The following APCDD1L variants were observed in gnomAD, a reference collection of about 807,000 sequenced individuals.
The protein encoded by APCDD1L is protein APCDD1-like.
Under a neutral mutation model 24.2 loss-of-function variants are expected in APCDD1L, and 21 were observed. The ratio of observed to expected loss-of-function variants is 0.87; its 90% confidence interval spans 0.61 to 1.25. APCDD1L has a LOEUF of 1.25. Among genes scored for constraint, APCDD1L ranks in the 50% most tolerant of loss-of-function variants. The pLI is 0.00. For synonymous variants in APCDD1L, 321 were observed against 323.6 expected (o/e 0.99, Z 0.09); for missense variants, 704 against 711.7 (o/e 0.99, Z 0.12).
chr20:58,514,840 T>G lies in APCDD1L; in HGVS notation c.-133A>C. 1.6e-6 allele frequency: 1 copy of G among 621,826 alleles called. No homozygotes were observed. The highest frequency in any genetic ancestry group is 2.4e-6 in the Non-Finnish European group (1 of 425,232). The allele number at this position is 621,826 out of a possible 1,614,324, so 38.5% of individuals were successfully genotyped here. A position where few individuals can be genotyped will look rare whatever the true frequency, so the allele number is the denominator to read the frequency against. On this transcript the variant is annotated 5_prime_UTR_variant, in exon 1 of 4. Coordinates refer to ENST00000371149, the MANE Select transcript of APCDD1L (RefSeq NM_153360.3). ...TCCTGCGAAGAAGTTGCGAGGGTCC[T>G]GCGCCCCCCTCGGCGCTCACACGCG...
chr20:58,460,668 T>C lies in APCDD1L; in HGVS notation c.*122A>G. On this transcript the variant is annotated 3_prime_UTR_variant, in exon 4 of 4. Coordinates refer to ENST00000371149, the MANE Select transcript of APCDD1L (RefSeq NM_153360.3). This position sits in a 1 kb window ranked among gnomAD's most constrained non-coding sequence, Gnocchi z 4.2. ...GGACACAGGCAGAGTTTGGAAGCAGTGGGGCTGTGCATCCATCCATGACAG... is the reference window on the plus strand; with the variant it reads ...GGACACAGGCAGAGTTTGGAAGCAGCGGGGCTGTGCATCCATCCATGACAG... 2 of 1,242,746 alleles carry C rather than the reference T, an allele frequency of 1.6e-6. No homozygotes were observed. The highest frequency in any genetic ancestry group is 2.1e-6 in the Non-Finnish European group (2 of 932,088). The allele number at this position is 1,242,746 out of a possible 1,614,324, so 77.0% of individuals were successfully genotyped here. A position where few individuals can be genotyped will look rare whatever the true frequency, so the allele number is the denominator to read the frequency against.
chr20:58,490,727 T>A (rs1345072117), intron 1 of APCDD1L, among the ~76,000 whole-genome samples: 1 of 152,210 alleles, frequency 6.6e-6, no homozygotes, highest in Non-Finnish European at 1.5e-5. Context: ...GTGAACACAT[T>A]GCTAAGGTTC....
At chr20:58,476,828 C>T (rs1989919845) in intron 1 of APCDD1L, among the ~76,000 whole-genome samples, 1 of 152,204 alleles carries the variant, frequency 6.6e-6, no homozygotes, top group Non-Finnish European at 1.5e-5. Flanking sequence ...AAAGGGCAAA[C>T]CTTTGGCTGC....
chr20:58,509,659 A>G (rs961868536), intron 1 of APCDD1L, among the ~76,000 whole-genome samples: 3 of 152,206 alleles, frequency 2.0e-5, no homozygotes, highest in Admixed American at 2.0e-4. Context: ...GAATGGGGGC[A>G]GGGAGAAGTG....
chr20:58,515,356 G>C lies in APCDD1L; in HGVS notation c.-649C>G, dbSNP rs1391810052. The C allele has an allele frequency of 2.4e-5, 8 of 338,848 alleles. No individual in the cohort carries two copies. The highest frequency in any genetic ancestry group is 4.2e-5 in the Non-Finnish European group (8 of 188,900). 21.0% of individuals were successfully genotyped at this position (338,848 alleles called of 1,614,324 possible). A position where few individuals can be genotyped will look rare whatever the true frequency, so the allele number is the denominator to read the frequency against. ...CCGGCCTCTGTCTGTAAATGAGGCC[G>C]TCACCCGCTCCCCACCACACCCAAA... On this transcript the variant is annotated 5_prime_UTR_variant, in exon 1 of 4. Coordinates refer to ENST00000371149, the MANE Select transcript of APCDD1L (RefSeq NM_153360.3).
chr20:58,482,819 G>A (rs1042859432), intron 1 of APCDD1L, among the ~76,000 whole-genome samples: 2 of 152,140 alleles, frequency 1.3e-5, no homozygotes, highest in African/African-American at 4.8e-5. Context: ...CAGGTGGAGA[G>A]GCCCAAATTC....
At chr20:58,468,466 C>T (rs191668446) in intron 2 of APCDD1L, among the ~76,000 whole-genome samples, 6 of 152,242 alleles carry the variant, frequency 3.9e-5, no homozygotes, top group Non-Finnish European at 8.8e-5. Flanking sequence ...GGACTTCCTA[C>T]TGAGGGCGCA....
In APCDD1L at chr20:58,467,250, G is replaced by A; in HGVS notation, c.597C>T (p.Val199=). 1.3e-6 allele frequency: 2 copies of A among 1,586,032 alleles called. No individual in the cohort carries two copies. The change falls in exon 3 of 4, where the codon GTC becomes GTT. Residue 199 remains valine, a synonymous_variant. Coordinates refer to ENST00000371149, the MANE Select transcript of APCDD1L (RefSeq NM_153360.3). The surrounding 1 kb of genome is among the most constrained non-coding windows in gnomAD (Gnocchi z 5.9). ...GCGGCTGCAGGCGGCGCTGCACGCGGACCAGGCTGAGCTCGTGCATGGTGA... is the reference window on the plus strand; with the variant it reads ...GCGGCTGCAGGCGGCGCTGCACGCGAACCAGGCTGAGCTCGTGCATGGTGA... ...LGLTMHELSL[V]RVQRRLQPQP...
At chr20:58,480,575 G>A (rs543357950) in intron 1 of APCDD1L, among the ~76,000 whole-genome samples, 42 of 152,308 alleles carry the variant, frequency 2.8e-4, no homozygotes, top group South Asian at 2.1e-4. Flanking sequence ...AAAACGCTGC[G>A]TATGAGGAAG....
rs1312668253 is a variant in APCDD1L, at chr20:58,497,214, G to A, written c.49+17445C>T. On this transcript the variant is annotated intron_variant, in intron 1 of 3. Coordinates refer to ENST00000371149, the MANE Select transcript of APCDD1L (RefSeq NM_153360.3). The surrounding 1 kb of genome is among the most constrained non-coding windows in gnomAD (Gnocchi z 4.3). The stretch of plus-strand genomic sequence containing the variant: ...GGGCCTCCTGGGGGTGAGGGGGCAT[G>A]CAGCGGGTGGAGGCTGAGGGGCAGA... Among the ~76,000 whole-genome samples, 1 of 151,914 alleles carries A rather than the reference G, an allele frequency of 6.6e-6. No individual in the cohort carries two copies. The highest frequency in any genetic ancestry group is 1.5e-5 in the Non-Finnish European group (1 of 67,950).
chr20:58,515,015 C>T lies in APCDD1L; in HGVS notation c.-308G>A, dbSNP rs1990716439. 3 of 294,942 alleles carry T rather than the reference C, an allele frequency of 1.0e-5. No homozygotes were observed. The highest frequency in any genetic ancestry group is 1.9e-5 in the Non-Finnish European group (3 of 160,728). 18.3% of individuals were successfully genotyped at this position (294,942 alleles called of 1,614,324 possible). A position where few individuals can be genotyped will look rare whatever the true frequency, so the allele number is the denominator to read the frequency against. ...GTGCAGCTCCTGCCATTCAGACCCC[C>T]AGCCCTCCCCCAGATGTCCGTCCCC... is the stretch of plus-strand genomic sequence containing the variant. On this transcript the variant is annotated 5_prime_UTR_variant, in exon 1 of 4. Transcript: ENST00000371149.
chr20:58,499,946 T>C (rs1256814203), intron 1 of APCDD1L, among the ~76,000 whole-genome samples: 1 of 152,234 alleles, frequency 6.6e-6, no homozygotes, highest in Non-Finnish European at 1.5e-5. Flanking sequence ...ATATTTTGTA[T>C]GTGTGCCTAC....
At chr20:58,499,091 G>C (rs1214118471) in intron 1 of APCDD1L, among the ~76,000 whole-genome samples, 1 of 152,192 alleles carries the variant, frequency 6.6e-6, no homozygotes, top group East Asian at 1.9e-4. Context: ...GGGACAGTTG[G>C]GGCCAGTGCG....
At chr20:58,499,899 T>C (rs1199810690) in intron 1 of APCDD1L, among the ~76,000 whole-genome samples, 1 of 152,218 alleles carries the variant, frequency 6.6e-6, no homozygotes, top group Non-Finnish European at 1.5e-5. Context: ...TCTCTCACCG[T>C]CCCTGGCCTC....
intron 1 of APCDD1L, among the ~76,000 whole-genome samples, chr20:58,495,520 C>A (rs6513390): frequency 6.6e-6 from 1 of 152,230 alleles, no homozygotes; most frequent in Non-Finnish European, 1.5e-5. Flanking sequence ...CTTCAACCCC[C>A]CTGTGCCCCG....
In APCDD1L at chr20:58,514,894, A is replaced by G; in HGVS notation, c.-187T>C. On this transcript the variant is annotated 5_prime_UTR_variant, in exon 1 of 4. Transcript: ENST00000371149. ...AGCCTTCCCGGCTGTTGATAGTTGTAAGCGGAGCTGCGCACTCATAGGTCC... is the reference window on the plus strand; with the variant it reads ...AGCCTTCCCGGCTGTTGATAGTTGTGAGCGGAGCTGCGCACTCATAGGTCC... The G allele has an allele frequency of 2.5e-6, 1 of 403,736 alleles. No individual in the cohort carries two copies. The highest frequency in any genetic ancestry group is 4.2e-6 in the Non-Finnish European group (1 of 240,900). The allele number at this position is 403,736 out of a possible 1,614,324, so 25.0% of individuals were successfully genotyped here. A position where few individuals can be genotyped will look rare whatever the true frequency, so the allele number is the denominator to read the frequency against.
At chr20:58,509,455 C>A (rs1170244012) in intron 1 of APCDD1L, among the ~76,000 whole-genome samples, 1 of 152,178 alleles carries the variant, frequency 6.6e-6, no homozygotes, top group Admixed American at 6.5e-5. Flanking sequence ...AAGTCACCTA[C>A]TTCTCTGGGC....
At chr20:58,495,465 A>C (rs1326369324) in intron 1 of APCDD1L, among the ~76,000 whole-genome samples, 2 of 152,044 alleles carry the variant, frequency 1.3e-5, no homozygotes, top group African/African-American at 4.8e-5. Context: ...AATGGGCCTG[A>C]CCTTCTAGGC....
chr20:58,480,611 C>T (rs67123570), intron 1 of APCDD1L, among the ~76,000 whole-genome samples: 13,369 of 152,190 alleles, frequency 0.088, 1,251 homozygotes, highest in East Asian at 0.35. Flanking sequence ...GATAACTCCC[C>T]GAGGCCTCTG....
Sources: allele counts gnomAD v4.1 joint callset (sites outside exome capture counted in the v4.1 genomes callset), GRCh38; gene constraint gnomAD v4.1.1; non-coding constraint Gnocchi (gnomAD v3.1); transcripts MANE v1.5; gene names NCBI Gene and HGNC (gene_info 2026-07-23, HGNC 2026-07-21).